The following PCDHA2 variants were observed in gnomAD, a reference collection of about 807,000 sequenced individuals.
PCDHA2 encodes protocadherin alpha 2, also known as protocadherin alpha-2.
Under a neutral mutation model 66.0 loss-of-function variants are expected in PCDHA2, and 58 were observed. The observed-to-expected ratio is 0.88, with a 90% CI of 0.71 to 1.09. The LOEUF (loss-of-function observed/expected upper bound fraction) is 1.09, where lower values mean the gene tolerates loss of function less well. Among genes scored for constraint, PCDHA2 ranks in the 50% least tolerant of loss-of-function variants. The pLI is 0.00. For synonymous variants in PCDHA2, 634 were observed against 554.0 expected (o/e 1.14, Z -2.03); for missense variants, 1,267 against 1,242.3 (o/e 1.02, Z -0.30).
At chr5:140,827,714 T>G (rs1554130865) in intron 1 of PCDHA2, among the ~76,000 whole-genome samples, 1 of 152,242 alleles carries the variant, frequency 6.6e-6, no homozygotes, top group African/African-American at 2.4e-5. Flanking sequence ...CAAATATTGG[T>G]AGAAAAGTTG....
chr5:140,808,782 A>G (rs1764262210), intron 1 of PCDHA2: 1 of 1,612,468 alleles, frequency 6.2e-7, no homozygotes, highest in African/African-American at 1.3e-5. Context: ...GAGCTGCTGC[A>G]GTTTCAGGTG....
At chr5:140,888,938 G>T (rs947628683) in intron 1 of PCDHA2, among the ~76,000 whole-genome samples, 1 of 151,864 alleles carries the variant, frequency 6.6e-6, no homozygotes, top group Admixed American at 6.6e-5. Flanking sequence ...TTTGAGGGAG[G>T]TATAAATTTT....
chr5:140,905,170 G>A (rs1350085385), intron 1 of PCDHA2, among the ~76,000 whole-genome samples: 1 of 152,188 alleles, frequency 6.6e-6, no homozygotes, highest in Non-Finnish European at 1.5e-5. Context: ...ATGGTTTCAG[G>A]TTTTAGATTT....
intron 1 of PCDHA2, chr5:140,966,805 T>C (rs1554228690): frequency 6.5e-7 from 1 of 1,545,566 alleles, no homozygotes; most frequent in South Asian, 1.2e-5. Flanking sequence ...CGACAGAGCA[T>C]CCACGGCTCC....
chr5:141,007,395 CAAAAAA>C (rs35800918), intron 3 of PCDHA2, among the ~76,000 whole-genome samples: 3 of 94,844 alleles, frequency 3.2e-5, no homozygotes, highest in East Asian at 2.9e-4. Flanking sequence ...TACTAAAATA[CAAAAAA>C]AAAAAAAAAA....
chr5:140,829,280 C>T, intron 1 of PCDHA2: 1 of 1,614,282 alleles, frequency 6.2e-7, no homozygotes, highest in Non-Finnish European at 8.5e-7. Flanking sequence ...CCCTTTCAAG[C>T]TGGTGTCCAC....
intron 1 of PCDHA2, chr5:140,866,169 T>C (rs914189373): frequency 2.0e-5 from 3 of 152,132 alleles, no homozygotes; most frequent in African/African-American, 4.8e-5. Context: ...TCGTTTAACA[T>C]GTAAGAAAAG....
chr5:140,988,075 A>G (rs139957067), intron 3 of PCDHA2, among the ~76,000 whole-genome samples: 4 of 152,258 alleles, frequency 2.6e-5, no homozygotes, highest in Non-Finnish European at 4.4e-5. Flanking sequence ...TTTCTATTTC[A>G]TGAGTGAGTG....
intron 1 of PCDHA2, among the ~76,000 whole-genome samples, chr5:140,799,407 T>A (rs940893609): frequency 2.4e-4 from 37 of 152,114 alleles, no homozygotes; most frequent in African/African-American, 8.4e-4. Flanking sequence ...ATTTATCTCT[T>A]ATTTTCAAAC....
chr5:140,914,042 T>C (rs2076573370), intron 1 of PCDHA2, among the ~76,000 whole-genome samples: 1 of 152,222 alleles, frequency 6.6e-6, no homozygotes, highest in South Asian at 2.1e-4. Context: ...AGAATGTGTA[T>C]TCTGCAGCTG....
chr5:140,937,442 A>AAAATATCATTTTAAAATATCATTAT (rs2091531773), intron 1 of PCDHA2, among the ~76,000 whole-genome samples: 1 of 152,160 alleles, frequency 6.6e-6, no homozygotes, highest in Non-Finnish European at 1.5e-5. Context: ...ATGCTATTTT[A>AAAATATCATTTTAAAATATCATTAT]AAAGTTTAAT....
intron 1 of PCDHA2, chr5:140,803,503 T>A: frequency 6.2e-7 from 1 of 1,614,242 alleles, no homozygotes. Flanking sequence ...AAGACCGACC[T>A]CATGGCTTTT....
intron 1 of PCDHA2, chr5:140,882,209 A>G (rs781846726): frequency 5.2e-6 from 8 of 1,531,724 alleles, no homozygotes; most frequent in Non-Finnish European, 7.0e-6. Context: ...GCCTTGAGAG[A>G]CAGTTTGAGG....
intron 1 of PCDHA2, among the ~76,000 whole-genome samples, chr5:140,821,382 G>T (rs1160781940): frequency 1.3e-5 from 2 of 152,048 alleles, no homozygotes; most frequent in Admixed American, 6.5e-5. Flanking sequence ...TTTTAATGAC[G>T]CACTTATATT....
At chr5:140,849,211 C>A in intron 1 of PCDHA2, 1 of 1,031,972 alleles carries the variant, frequency 9.7e-7, no homozygotes, top group East Asian at 2.6e-5. Context: ...AATGACAATG[C>A]CCCAGTGTTC....
chr5:140,814,789 T>C lies in PCDHA2; in HGVS notation c.2388+17437T>C, dbSNP rs2126658661. On this transcript the variant is annotated intron_variant, in intron 1 of 3. Transcript: ENST00000526136. ...TGGTCTGTTATTGGTTGAAACGTTG[T>C]TATACAACACTTGACTTTATTGTAT... The C allele has an allele frequency of 2.8e-4, 43 of 152,320 alleles. 1 individual carries two copies. The highest frequency in any genetic ancestry group is 2.8e-3 in the Admixed American group (43 of 15,304). The allele number at this position is 152,320 out of a possible 1,614,324, so 9.4% of individuals were successfully genotyped here.
In PCDHA2 at chr5:140,850,658, G is replaced by T. The variant is rs2150492440; in HGVS notation, c.2388+53306G>T. On this transcript the variant is annotated intron_variant, in intron 1 of 3. Transcript: ENST00000526136. The stretch of plus-strand genomic sequence containing the variant: ...TCACGCTGCTGCTGTACACTGTGCT[G>T]CGGTGCTCGGCGATGCCCACCGAGG... 24 of 1,598,502 alleles carry T rather than the reference G, an allele frequency of 1.5e-5. 1 individual carries two copies. Among genetic ancestry groups the T allele is most frequent in the African/African-American group, 5.4e-5 (4 of 74,388 alleles).
chr5:140,962,495 C>T (rs2153732507), intron 1 of PCDHA2, among the ~76,000 whole-genome samples: 1 of 152,240 alleles, frequency 6.6e-6, no homozygotes, highest in Admixed American at 6.5e-5. Context: ...AATTTTCAGA[C>T]ACCTCAGCCA....
chr5:140,853,847 G>T, intron 1 of PCDHA2: 1 of 986,430 alleles, frequency 1.0e-6, no homozygotes, highest in Non-Finnish European at 1.2e-6. Flanking sequence ...TAGATCCATA[G>T]CCCTATTTGA....
Sources: allele counts gnomAD v4.1 joint callset (sites outside exome capture counted in the v4.1 genomes callset), GRCh38; gene constraint gnomAD v4.1.1; transcripts MANE v1.5; gene names NCBI Gene and HGNC (gene_info 2026-07-23, HGNC 2026-07-21).